ARFGAP1: variants seen among roughly 807,000 people sequenced by gnomAD.
ARFGAP1 encodes the protein ARF GTPase activating protein 1, also known as ADP-ribosylation factor GTPase-activating protein 1.
Under a neutral mutation model 54.0 loss-of-function variants are expected in ARFGAP1, and 26 were observed. The observed-to-expected ratio is 0.48, with a 90% CI of 0.35 to 0.67. The LOEUF (loss-of-function observed/expected upper bound fraction) is 0.67, where lower values mean the gene tolerates loss of function less well. ARFGAP1 is among the 30% of genes least tolerant of loss of function. The probability of loss-of-function intolerance (pLI) is 0.00; values close to 1 mark genes in which losing one functional copy is unlikely to be tolerated. For missense variants in ARFGAP1, 525 were observed against 535.8 expected, an observed-to-expected ratio of 0.98 and a Z score of 0.20; for synonymous variants, 248 against 211.9, an observed-to-expected ratio of 1.17 and a Z score of -1.48.
chr20:63,281,649 C>T (rs1023049414), intron 8 of ARFGAP1, among the ~76,000 whole-genome samples: 1 of 152,188 alleles, frequency 6.6e-6, no homozygotes, highest in Non-Finnish European at 1.5e-5. Flanking sequence ...CTAGACTCCA[C>T]CCTATCCAAG....
At chr20:63,284,239 G>A (rs552898641) in intron 9 of ARFGAP1, 99 of 1,203,904 alleles carry the variant, frequency 8.2e-5, no homozygotes, top group Middle Eastern at 6.6e-4. Context: ...GGCCACCTGC[G>A]CTCCCTTGAA....
At position 63,287,801 on chromosome 20, in the gene ARFGAP1, C is replaced by CG; in HGVS notation, c.1153dup (p.Glu385GlyfsTer14). 9.7e-7 allele frequency: 1 copy of CG among 1,033,240 alleles called. No individual in the cohort carries two copies. Among genetic ancestry groups the CG allele is most frequent in the Non-Finnish European group, 1.4e-6 (1 of 702,468 alleles). 64.0% of individuals were successfully genotyped at this position (1,033,240 alleles called of 1,614,324 possible). A position where few individuals can be genotyped will look rare whatever the true frequency, so the allele number is the denominator to read the frequency against. On this transcript the variant is annotated frameshift_variant, in exon 13 of 13. Coordinates refer to ENST00000370283, the MANE Select transcript of ARFGAP1 (RefSeq NM_018209.4). LOFTEE classifies it high-confidence loss of function. ...ACAGCAACAGCGACGGCGGGGAGGGCGGGGAGGGCACCAAGAAGGCAGTGC... is the reference window on the plus strand; with the variant it reads ...ACAGCAACAGCGACGGCGGGGAGGGCGGGGGAGGGCACCAAGAAGGCAGTGC...
rs1477685006 is a variant in ARFGAP1, at chr20:63,289,261, G to C, written c.*1388G>C. On this transcript the variant is annotated 3_prime_UTR_variant, in exon 13 of 13. Transcript: ENST00000370283. The stretch of plus-strand genomic sequence containing the variant: ...AAGGTGCTGAGAAGCCACCGGGAAA[G>C]CAGCCAGCACAAAGGGCCCAGGAAG... 1.3e-5 allele frequency: 2 copies of C among 152,332 alleles called. No individual in the cohort carries two copies. The highest frequency in any genetic ancestry group is 2.4e-5 in the African/African-American group (1 of 41,454). The allele number at this position is 152,332 out of a possible 1,614,324, so 9.4% of individuals were successfully genotyped here.
chr20:63,283,610 C>T (rs150801405), intron 9 of ARFGAP1: 5 of 497,240 alleles, frequency 1.0e-5, no homozygotes, highest in African/African-American at 3.9e-5. Context: ...GCTGCAGGGA[C>T]GCCCATCTGG....
intron 6 of ARFGAP1, chr20:63,278,577 C>T (rs1287878263): frequency 1.5e-5 from 7 of 470,074 alleles, no homozygotes; most frequent in Non-Finnish European, 2.7e-5. Flanking sequence ...AACACATTTT[C>T]TGCGTGGAAT....
chr20:63,274,355 A>G (rs890993059), intron 1 of ARFGAP1: 3 of 111,568 alleles, frequency 2.7e-5, no homozygotes, highest in Admixed American at 1.4e-4. Context: ...ATTTCTGGAT[A>G]CTTAAGATTA....
intron 8 of ARFGAP1, among the ~76,000 whole-genome samples, chr20:63,282,567 G>A (rs1026442686): frequency 3.3e-5 from 5 of 152,218 alleles, no homozygotes; most frequent in African/African-American, 4.8e-5. Context: ...GGCCTTGCAC[G>A]CTGCTCACGT....
At position 63,275,575 on chromosome 20, in the gene ARFGAP1, A is replaced by T; in HGVS notation, c.-4-2A>T. On this transcript the variant is annotated splice_acceptor_variant, in intron 1 of 12. Transcript: ENST00000370283. LOFTEE classifies it low-confidence loss of function (5UTR_SPLICE). Reference sequence around the variant, plus strand: ...TAAAGTGTTTATTTTTCTCCTTTGCAGCATCATGGCCAGCCCAAGAACCAG... The same window carrying T: ...TAAAGTGTTTATTTTTCTCCTTTGCTGCATCATGGCCAGCCCAAGAACCAG... 1 of 1,613,796 alleles carries T rather than the reference A, an allele frequency of 6.2e-7. No individual in the cohort carries two copies.
At chr20:63,283,042 C>A in intron 9 of ARFGAP1, 191 bp downstream of exon 9, 1 of 636,894 alleles carries the variant, frequency 1.6e-6, no homozygotes, top group Non-Finnish European at 2.7e-6. Flanking sequence ...GCCTCATGGA[C>A]CCACTCAGGG....
chr20:63,276,777 CCA>C lies in ARFGAP1; in HGVS notation c.342+133_342+134del. The C allele has an allele frequency of 8.7e-7, 1 of 1,143,916 alleles. No individual in the cohort carries two copies. Among genetic ancestry groups the C allele is most frequent in the Non-Finnish European group, 1.2e-6 (1 of 829,594 alleles). 70.9% of individuals were successfully genotyped at this position (1,143,916 alleles called of 1,614,324 possible). The stretch of plus-strand genomic sequence containing the variant: ...TGCTGGTTCTGACACACCCACTGGG[CCA>C]CACACAACTTGCCGCCCTGGAGCAG... On this transcript the variant is annotated intron_variant, in intron 4 of 12. Transcript: ENST00000370283. This position sits in a 1 kb window ranked among gnomAD's most constrained non-coding sequence, Gnocchi z 5.2.
chr20:63,282,980 G>A lies in ARFGAP1; in HGVS notation c.717+129G>A, dbSNP rs192742370. ...ATGCTCAGAGCTGAGGGGTCCCAGC[G>A]TAGAAGGGGGTGTTCCTGCCATGCT... On this transcript the variant is annotated intron_variant, in intron 9 of 12. Coordinates refer to ENST00000370283, the MANE Select transcript of ARFGAP1 (RefSeq NM_018209.4). 9.2e-5 allele frequency: 92 copies of A among 995,424 alleles called. No homozygotes were observed. In the African/African-American group the frequency reaches 1.1e-3, roughly 12 times the overall value. The allele number at this position is 995,424 out of a possible 1,614,324, so 61.7% of individuals were successfully genotyped here.
chr20:63,283,787 C>T, intron 9 of ARFGAP1: 1 of 1,597,306 alleles, frequency 6.3e-7, no homozygotes. Context: ...GAAGGCGCTG[C>T]TGGTTACTAA....
rs1289319196 is a variant in ARFGAP1, at chr20:63,288,251, C to T, written c.*378C>T. 3 of 532,120 alleles carry T rather than the reference C, an allele frequency of 5.6e-6. No individual in the cohort carries two copies. Among genetic ancestry groups the T allele is most frequent in the African/African-American group, 3.8e-5 (2 of 53,110 alleles). 33.0% of individuals were successfully genotyped at this position (532,120 alleles called of 1,614,324 possible). ...GGCCTGGGACCAGCCACGTGCCGAG[C>T]TGTCAGCGACGTGAGGTGTCCCTTC... is the stretch of plus-strand genomic sequence containing the variant. On this transcript the variant is annotated 3_prime_UTR_variant, in exon 13 of 13. Transcript: ENST00000370283.
chr20:63,284,049 T>C, intron 9 of ARFGAP1: 2 of 1,437,864 alleles, frequency 1.4e-6, no homozygotes, highest in Non-Finnish European at 1.8e-6. Context: ...ATCCAGGATC[T>C]GCATCAGGCT....
intron 6 of ARFGAP1, chr20:63,278,473 G>A: frequency 2.0e-6 from 1 of 491,732 alleles, no homozygotes; most frequent in Non-Finnish European, 3.7e-6. Flanking sequence ...GTGTGAATTG[G>A]GGGTCTTGGG....
In ARFGAP1 at chr20:63,288,396, C is replaced by T. The variant is rs1305851530; in HGVS notation, c.*523C>T. 2.2e-6 allele frequency: 1 copy of T among 456,272 alleles called. No homozygotes were observed. The highest frequency in any genetic ancestry group is 4.4e-6 in the Non-Finnish European group (1 of 226,918). 28.3% of individuals were successfully genotyped at this position (456,272 alleles called of 1,614,324 possible). A position where few individuals can be genotyped will look rare whatever the true frequency, so the allele number is the denominator to read the frequency against. ...GCGCTCACGCTGCCATCCGACCACC[C>T]TCGGCTCCCGAGTCCACGCCTGCCT... On this transcript the variant is annotated 3_prime_UTR_variant, in exon 13 of 13. Transcript: ENST00000370283.
chr20:63,285,238 C>T (rs1463428621), intron 10 of ARFGAP1, among the ~76,000 whole-genome samples: 1 of 152,124 alleles, frequency 6.6e-6, no homozygotes, highest in Non-Finnish European at 1.5e-5. Flanking sequence ...CGTTCCTCTG[C>T]CTCACCCCCA....
Position 63,276,661 on chromosome 20 carries a change from G to A in ARFGAP1, c.342+10G>A. On this transcript the variant is annotated intron_variant, in intron 4 of 12. Transcript: ENST00000370283. The surrounding 1 kb of genome is among the most constrained non-coding windows in gnomAD (Gnocchi z 5.2). ...CCTCTTTAGGGATAAGGTAGAGATG[G>A]GCCCGATTCACTCTTGCCCATGGTG... 1 of 1,594,050 alleles carries A rather than the reference G, an allele frequency of 6.3e-7. No homozygotes were observed. Among genetic ancestry groups the A allele is most frequent in the Non-Finnish European group, 8.6e-7 (1 of 1,168,630 alleles).
At chr20:63,282,919 C>A in intron 9 of ARFGAP1, 68 bp downstream of exon 9, 1 of 1,554,408 alleles carries the variant, frequency 6.4e-7, no homozygotes, top group Non-Finnish European at 8.9e-7. Context: ...TCACGTGCAG[C>A]ACCTGAAGCT....
Sources: allele counts gnomAD v4.1 joint callset (sites outside exome capture counted in the v4.1 genomes callset), GRCh38; gene constraint gnomAD v4.1.1; non-coding constraint Gnocchi (gnomAD v3.1); transcripts MANE v1.5; gene names NCBI Gene and HGNC (gene_info 2026-07-23, HGNC 2026-07-21).